The following STXBP5L variants were observed in gnomAD, a reference collection of about 807,000 sequenced individuals.
The protein encoded by STXBP5L is syntaxin binding protein 5L, also known as syntaxin-binding protein 5-like.
In STXBP5L, 65 loss-of-function variants were observed where a neutral mutation model predicts 144.5. The observed-to-expected ratio is 0.45, with a 90% CI of 0.37 to 0.55. The LOEUF (loss-of-function observed/expected upper bound fraction) is 0.55. Among genes scored for constraint, STXBP5L ranks in the 20% least tolerant of loss-of-function variants. The pLI, the probability that STXBP5L is intolerant of heterozygous loss-of-function variation, is 0.00. For synonymous variants in STXBP5L, 505 were observed against 469.6 expected, an observed-to-expected ratio of 1.08 and a Z score of -0.97; for missense variants, 1,298 against 1,405.5, an observed-to-expected ratio of 0.92 and a Z score of 1.22.
At chr3:120,908,829 GA>G (rs1370079559) in intron 1 of STXBP5L, among the ~76,000 whole-genome samples, 190 of 149,454 alleles carry the variant, frequency 1.3e-3, no homozygotes, top group Non-Finnish European at 1.9e-3. Context: ...GAGATGGGGA[GA>G]GGGGGGAAAG....
intron 20 of STXBP5L, among the ~76,000 whole-genome samples, chr3:121,342,352 T>G (rs917156798): frequency 2.8e-4 from 42 of 152,090 alleles, no homozygotes; most frequent in African/African-American, 9.7e-4. Context: ...TACTATTTTT[T>G]TATTATTATT....
intron 5 of STXBP5L, among the ~76,000 whole-genome samples, chr3:121,114,548 T>G (rs1293902005): frequency 6.6e-6 from 1 of 152,150 alleles, no homozygotes; most frequent in Non-Finnish European, 1.5e-5. Flanking sequence ...AGATGTTAAT[T>G]TTGTAACCAA....
At chr3:121,384,033 C>T (rs916295435) in intron 22 of STXBP5L, among the ~76,000 whole-genome samples, 3 of 152,046 alleles carry the variant, frequency 2.0e-5, no homozygotes, top group South Asian at 2.1e-4. Flanking sequence ...TTTTGTTAGT[C>T]GGCCTAGGAA....
intron 5 of STXBP5L, among the ~76,000 whole-genome samples, chr3:121,077,805 C>T (rs1351912571): frequency 6.6e-6 from 1 of 152,146 alleles, no homozygotes; most frequent in Non-Finnish European, 1.5e-5. Flanking sequence ...AAGTCCCCAT[C>T]AGAGTAGCTA....
At chr3:121,008,989 G>A (rs1944569095) in intron 3 of STXBP5L, among the ~76,000 whole-genome samples, 1 of 151,546 alleles carries the variant, frequency 6.6e-6, no homozygotes, top group Non-Finnish European at 1.5e-5. Flanking sequence ...CATATTGATG[G>A]TTTAGCTTGG....
At chr3:121,343,122 T>C (rs1322589983) in intron 20 of STXBP5L, among the ~76,000 whole-genome samples, 1 of 152,174 alleles carries the variant, frequency 6.6e-6, no homozygotes, top group Non-Finnish European at 1.5e-5. Flanking sequence ...TTTTCCTGTG[T>C]TTTTTGGCTG....
rs1312786012 is a variant in STXBP5L, at chr3:121,332,341, G to A, written c.2176+13801G>A. Among the ~76,000 whole-genome samples, 3 of 90,170 alleles carry A rather than the reference G, an allele frequency of 3.3e-5. No individual in the cohort carries two copies. In the Admixed American group the frequency reaches 3.6e-4, roughly 11 times the overall value. The allele number at this position is 90,170 out of a possible 152,430, so 59.2% of individuals were successfully genotyped here. On this transcript the variant is annotated intron_variant, in intron 20 of 26. Coordinates refer to ENST00000471454, the MANE Select transcript of STXBP5L (RefSeq NM_001308330.2). ...ACAAGAGAAAGGAGAAAACTAACAT[G>A]AAAAAAAATTTAAAAATAACAATTC...
intron 3 of STXBP5L, among the ~76,000 whole-genome samples, chr3:121,004,207 G>C (rs994425379): frequency 6.6e-6 from 1 of 152,042 alleles, no homozygotes; most frequent in South Asian, 2.1e-4. Flanking sequence ...CCATTTGTTT[G>C]TATCCTCTTT....
At chr3:121,099,656 G>C (rs1290736652) in intron 5 of STXBP5L, 1 of 152,920 alleles carries the variant, frequency 6.5e-6, no homozygotes, top group Admixed American at 6.5e-5. Context: ...TTGGACAGGA[G>C]CTTCCTTAGT....
chr3:121,003,596 C>T (rs1943978887), intron 3 of STXBP5L, among the ~76,000 whole-genome samples: 1 of 152,242 alleles, frequency 6.6e-6, no homozygotes, highest in South Asian at 2.1e-4. Context: ...GTTGCCATTG[C>T]TTTTGGTGTT....
At chr3:121,182,621 C>A (rs929833297) in intron 9 of STXBP5L, among the ~76,000 whole-genome samples, 1 of 151,994 alleles carries the variant, frequency 6.6e-6, no homozygotes, top group South Asian at 2.1e-4. Flanking sequence ...TAAATCCAAA[C>A]CCAGCAGAAG....
At chr3:121,096,743 G>A (rs986286955) in intron 5 of STXBP5L, among the ~76,000 whole-genome samples, 8 of 152,132 alleles carry the variant, frequency 5.3e-5, no homozygotes, top group African/African-American at 1.7e-4. Flanking sequence ...GAACCTACCA[G>A]TTGCCAGCCA....
intron 3 of STXBP5L, among the ~76,000 whole-genome samples, chr3:121,029,537 G>T (rs1576709756): frequency 6.6e-6 from 1 of 152,060 alleles, no homozygotes; most frequent in East Asian, 1.9e-4. Flanking sequence ...AATGCAAGAT[G>T]GATTAAAGAC....
chr3:121,354,153 T>A (rs2045412355), intron 20 of STXBP5L, among the ~76,000 whole-genome samples: 1 of 152,184 alleles, frequency 6.6e-6, no homozygotes, highest in Non-Finnish European at 1.5e-5. Flanking sequence ...AAAATGTATA[T>A]TCTGTTGATT....
intron 3 of STXBP5L, among the ~76,000 whole-genome samples, chr3:120,973,004 T>C (rs1237850806): frequency 6.6e-6 from 1 of 152,148 alleles, no homozygotes; most frequent in African/African-American, 2.4e-5. Context: ...TGCAACTCTG[T>C]TCATCAGAGA....
chr3:121,315,149 GATT>G (rs1407504428), intron 19 of STXBP5L, among the ~76,000 whole-genome samples: 5 of 152,028 alleles, frequency 3.3e-5, no homozygotes, highest in Non-Finnish European at 5.9e-5. Flanking sequence ...ATACCCAAAG[GATT>G]ATAAATCATG....
At chr3:120,924,692 T>G (rs552775888) in intron 2 of STXBP5L, 1 of 152,072 alleles carries the variant, frequency 6.6e-6, no homozygotes, top group South Asian at 2.1e-4. Flanking sequence ...TACCTCGTCT[T>G]TATTTTATTT....
chr3:121,314,295 C>A (rs1483314691), intron 19 of STXBP5L, among the ~76,000 whole-genome samples: 1 of 143,836 alleles, frequency 7.0e-6, no homozygotes, highest in Admixed American at 7.0e-5. Flanking sequence ...GCACTCCAGC[C>A]TGGACACCAT....
At position 120,908,341 on chromosome 3, in the gene STXBP5L, A is replaced by G. The variant is rs1708637202; in HGVS notation, c.-9+7A>G. The stretch of plus-strand genomic sequence containing the variant: ...CTAGAGGCGTCTGAGGAAGGTGCCT[A>G]AGTCCTGGGTCAGATAGTCATCCCT... On this transcript the variant is annotated splice_region_variant and intron_variant, in intron 1 of 26. Transcript: ENST00000471454. 1 of 152,730 alleles carries G rather than the reference A, an allele frequency of 6.5e-6. No individual in the cohort carries two copies. The highest frequency in any genetic ancestry group is 2.4e-5 in the African/African-American group (1 of 41,468). The allele number at this position is 152,730 out of a possible 1,614,324, so 9.5% of individuals were successfully genotyped here. A position where few individuals can be genotyped will look rare whatever the true frequency, so the allele number is the denominator to read the frequency against.
Sources: gnomAD v4.1 joint callset for allele counts (sites outside exome capture counted in the v4.1 genomes callset) on GRCh38, gnomAD v4.1.1 for gene constraint, MANE v1.5 for transcripts, NCBI Gene and HGNC (gene_info 2026-07-23, HGNC 2026-07-21) for gene names.